Variants in SRGAP2C observed in about 807,000 individuals in gnomAD.
SRGAP2C encodes the protein SLIT-ROBO Rho GTPase activating protein 2C, also known as SLIT-ROBO Rho GTPase-activating protein 2C.
SRGAP2C carries 15 observed loss-of-function variants against 25.1 expected under a neutral mutation model. That is an observed-to-expected ratio of 0.60 (90% CI 0.40 to 0.92). SRGAP2C has a LOEUF of 0.92. Among genes scored for constraint, SRGAP2C ranks in the 40% least tolerant of loss-of-function variants. SRGAP2C has a pLI of 0.00. For synonymous variants in SRGAP2C, 44 were observed against 96.6 expected, an observed-to-expected ratio of 0.46 and a Z score of 3.19; for missense variants, 144 against 264.4, an observed-to-expected ratio of 0.54 and a Z score of 3.16.
rs1268240288 is a variant in SRGAP2C at position 121,235,173 on chromosome 1, G to A, written c.67+47660G>A. Among the ~76,000 whole-genome samples the A allele has an allele frequency of 5.6e-5, 8 of 141,604 alleles. No homozygotes were observed. In the East Asian group the frequency reaches 6.1e-4, roughly 11 times the overall value. The allele number at this position is 141,604 out of a possible 152,430, so 92.9% of individuals were successfully genotyped here. On this transcript the variant is annotated intron_variant, in intron 2 of 9. Coordinates refer to ENST00000367123, the MANE Select transcript of SRGAP2C (RefSeq NM_001329984.2). ...CTCCCGAGTAGCTGGGACTACAGGCGCCCGCCACCAGGCCCGGCTAATTTT... is the reference window on the plus strand; with the variant it reads ...CTCCCGAGTAGCTGGGACTACAGGCACCCGCCACCAGGCCCGGCTAATTTT...
At position 121,249,546 on chromosome 1, in the gene SRGAP2C, C is replaced by CTA. The variant is rs1181025618; in HGVS notation, c.68-35223_68-35222dup. ...CAAAAGGGCTTATGATGAACATGGA[C>CTA]TATATATATATATATATATATATAT... On this transcript the variant is annotated intron_variant, in intron 2 of 9. Transcript: ENST00000367123. 2.3e-3 allele frequency among the ~76,000 whole-genome samples: 92 copies of CTA among 40,132 alleles called. 1 individual carries two copies. Among genetic ancestry groups the CTA allele is most frequent in the African/African-American group, 2.6e-3 (22 of 8,462 alleles). 26.3% of individuals were successfully genotyped at this position (40,132 alleles called of 152,430 possible). A position where few individuals can be genotyped will look rare whatever the true frequency, so the allele number is the denominator to read the frequency against.
chr1:121,239,765 A>G (rs587710023), intron 2 of SRGAP2C, among the ~76,000 whole-genome samples: 2 of 152,278 alleles, frequency 1.3e-5, no homozygotes, highest in East Asian at 3.9e-4. Context: ...GCCATATTGG[A>G]ACAGTCATAC....
chr1:121,264,744 G>A (rs1162754832), intron 2 of SRGAP2C, among the ~76,000 whole-genome samples: 3 of 148,394 alleles, frequency 2.0e-5, no homozygotes, highest in African/African-American at 5.0e-5. Flanking sequence ...CTTTTTCCCC[G>A]ATAATGGGCT....
intron 3 of SRGAP2C, among the ~76,000 whole-genome samples, chr1:121,305,306 T>C (rs1553339331): frequency 0.6 from 79,173 of 131,100 alleles, 24,298 homozygotes; most frequent in East Asian, 0.8. Flanking sequence ...CTTAGGATAA[T>C]GTTGATCTGG....
intron 8 of SRGAP2C, among the ~76,000 whole-genome samples, chr1:121,384,765 C>A (rs1179261987): frequency 2.0e-5 from 3 of 151,330 alleles, no homozygotes; most frequent in Non-Finnish European, 4.4e-5. Flanking sequence ...TATTTCCATA[C>A]TCCGGAGTGC....
intron 2 of SRGAP2C, among the ~76,000 whole-genome samples, chr1:121,212,407 G>A (rs1570709436): frequency 1.3e-5 from 2 of 152,140 alleles, no homozygotes; most frequent in East Asian, 1.9e-4. Context: ...TGGGATTACA[G>A]GGGTGAGCCA....
At chr1:121,305,200 T>G (rs1421356389) in intron 3 of SRGAP2C, among the ~76,000 whole-genome samples, 1 of 151,966 alleles carries the variant, frequency 6.6e-6, no homozygotes, top group African/African-American at 2.4e-5. Context: ...GAACCAAGAA[T>G]CCAGCATCAG....
chr1:121,232,633 A>G, intron 2 of SRGAP2C, among the ~76,000 whole-genome samples: 1 of 150,436 alleles, frequency 6.6e-6, no homozygotes, highest in South Asian at 2.1e-4. Context: ...GTTTTACTGA[A>G]GCAAAGGCTC....
intron 2 of SRGAP2C, among the ~76,000 whole-genome samples, chr1:121,260,505 A>G (rs1255015816): frequency 6.6e-6 from 1 of 151,834 alleles, no homozygotes; most frequent in Non-Finnish European, 1.5e-5. Flanking sequence ...ACATCATACC[A>G]TGATAGGCTG....
intron 4 of SRGAP2C, among the ~76,000 whole-genome samples, chr1:121,339,237 C>T (rs1658591863): frequency 2.3e-5 from 3 of 128,930 alleles, no homozygotes; most frequent in South Asian, 2.6e-4. Context: ...CCTTATGGTT[C>T]TTTGGCTATG....
chr1:121,343,306 T>A (rs1235777233), intron 4 of SRGAP2C, among the ~76,000 whole-genome samples: 1 of 152,184 alleles, frequency 6.6e-6, no homozygotes, highest in Non-Finnish European at 1.5e-5. Flanking sequence ...TCTAATTCCA[T>A]CCTTCCAATC....
rs1162492866 is a variant in SRGAP2C at position 121,329,259 on chromosome 1, C to T, written c.423+4619C>T. On this transcript the variant is annotated intron_variant, in intron 4 of 9. Coordinates refer to ENST00000367123, the MANE Select transcript of SRGAP2C (RefSeq NM_001329984.2). ...ATTAAGAAAAATGAAATGAAGCTAA[C>T]GTTTAACTCCAGTCACTTGGCTCTA... 1.2e-4 allele frequency among the ~76,000 whole-genome samples: 18 copies of T among 152,256 alleles called. No individual in the cohort carries two copies. In the South Asian group the frequency reaches 3.3e-3, roughly 28 times the overall value.
intron 3 of SRGAP2C, among the ~76,000 whole-genome samples, chr1:121,297,034 T>TA (rs1257254007): frequency 6.6e-6 from 1 of 151,870 alleles, no homozygotes; most frequent in Admixed American, 6.6e-5. Context: ...ATTTTGGACA[T>TA]ATTTGGGAGC....
intron 4 of SRGAP2C, among the ~76,000 whole-genome samples, chr1:121,332,580 C>T (rs1433455909): frequency 1.3e-5 from 2 of 151,862 alleles, no homozygotes; most frequent in Non-Finnish European, 2.9e-5. Flanking sequence ...GTCCTTTTGC[C>T]ATTAGTGAAT....
chr1:121,279,667 C>T (rs1657197215), intron 2 of SRGAP2C, among the ~76,000 whole-genome samples: 2 of 143,942 alleles, frequency 1.4e-5, no homozygotes, highest in Non-Finnish European at 3.0e-5. Flanking sequence ...CAAGCATGGG[C>T]AAGGAGGCAG....
chr1:121,370,543 G>A (rs1430911675), intron 5 of SRGAP2C, among the ~76,000 whole-genome samples: 1 of 142,402 alleles, frequency 7.0e-6, no homozygotes, highest in Non-Finnish European at 1.5e-5. Context: ...CCAGGTTCAT[G>A]CCATTCTCCT....
chr1:121,322,115 A>G (rs1478789682), intron 3 of SRGAP2C, among the ~76,000 whole-genome samples: 1 of 149,734 alleles, frequency 6.7e-6, no homozygotes, highest in African/African-American at 2.5e-5. Context: ...GTAAAGTGCT[A>G]TAGGGAAAGA....
chr1:121,222,721 G>T (rs1480722310), intron 2 of SRGAP2C, among the ~76,000 whole-genome samples: 3 of 152,218 alleles, frequency 2.0e-5, no homozygotes, highest in Admixed American at 6.5e-5. Context: ...TTCATAGTTA[G>T]GTACTAGTGG....
chr1:121,192,325 G>C (rs1654708498), intron 2 of SRGAP2C, among the ~76,000 whole-genome samples: 1 of 152,118 alleles, frequency 6.6e-6, no homozygotes, highest in African/African-American at 2.4e-5. Flanking sequence ...TCAAGCAGAT[G>C]CTATCATTTT....
Sources: allele counts gnomAD v4.1 joint callset (sites outside exome capture counted in the v4.1 genomes callset), GRCh38; gene constraint gnomAD v4.1.1; transcripts MANE v1.5; gene names NCBI Gene and HGNC (gene_info 2026-07-23, HGNC 2026-07-21).